Variants in LRRTM4 observed in about 807,000 individuals in gnomAD.
LRRTM4 encodes leucine rich repeat transmembrane neuronal 4.
A neutral mutation model predicts 47.6 loss-of-function variants in LRRTM4; 25 were observed. The ratio of observed to expected loss-of-function variants is 0.53; its 90% confidence interval spans 0.38 to 0.73. The LOEUF is 0.73. LRRTM4 is among the 30% of genes least tolerant of loss of function. The pLI, the probability that LRRTM4 is intolerant of heterozygous loss-of-function variation, is 0.00. For synonymous variants in LRRTM4, 311 were observed against 269.5 expected (o/e 1.15, Z -1.51); for missense variants, 638 against 713.4 (o/e 0.89, Z 1.20).
At chr2:77,453,842 T>C (rs560126277) in intron 3 of LRRTM4, among the ~76,000 whole-genome samples, 12 of 152,292 alleles carry the variant, frequency 7.9e-5, no homozygotes, top group Non-Finnish European at 1.6e-4. Context: ...TTCATAATAG[T>C]ATTTAACTTT....
At chr2:77,393,980 A>C (rs536589524) in intron 3 of LRRTM4, among the ~76,000 whole-genome samples, 1 of 152,182 alleles carries the variant, frequency 6.6e-6, no homozygotes, top group South Asian at 2.1e-4. Flanking sequence ...CTGATTTATC[A>C]GAAATTTATA....
intron 3 of LRRTM4, among the ~76,000 whole-genome samples, chr2:76,919,428 G>A (rs879916705): frequency 2.6e-5 from 4 of 152,150 alleles, no homozygotes; most frequent in Non-Finnish European, 4.4e-5. Context: ...CTTCCAGGAG[G>A]TAGCCAAGGA....
At chr2:76,947,779 A>G (rs1675369398) in intron 3 of LRRTM4, among the ~76,000 whole-genome samples, 1 of 151,886 alleles carries the variant, frequency 6.6e-6, no homozygotes, top group Non-Finnish European at 1.5e-5. Context: ...CACTAACCAT[A>G]AAATCATTTA....
chr2:77,482,982 G>T (rs1379518319), intron 3 of LRRTM4, among the ~76,000 whole-genome samples: 2 of 151,432 alleles, frequency 1.3e-5, no homozygotes, highest in East Asian at 2.0e-4. Context: ...TTAGCCGGGC[G>T]TGGTGGCGGG....
chr2:76,817,270 A>G (rs1369245819), intron 3 of LRRTM4, among the ~76,000 whole-genome samples: 2 of 151,648 alleles, frequency 1.3e-5, no homozygotes, highest in Non-Finnish European at 2.9e-5. Context: ...ATATGGCAGG[A>G]AGTGATATGT....
chr2:76,769,243 G>A (rs1673583569), intron 3 of LRRTM4, among the ~76,000 whole-genome samples: 1 of 152,016 alleles, frequency 6.6e-6, no homozygotes, highest in Admixed American at 6.6e-5. Context: ...TATTTACTTA[G>A]ACTTAATCTA....
intron 3 of LRRTM4, among the ~76,000 whole-genome samples, chr2:77,402,239 A>G (rs290020): frequency 0.47 from 70,789 of 151,668 alleles, 16,729 homozygotes; most frequent in East Asian, 0.6. Flanking sequence ...TCAAACTCCT[A>G]GGCTCAAAAG....
chr2:77,008,489 A>G (rs75379132), intron 3 of LRRTM4, among the ~76,000 whole-genome samples: 2,777 of 152,302 alleles, frequency 0.018, 107 homozygotes, highest in African/African-American at 0.063. Context: ...CACTGATATG[A>G]TATTGATCAA....
chr2:77,176,498 A>G (rs1428314268), intron 3 of LRRTM4, among the ~76,000 whole-genome samples: 1 of 152,186 alleles, frequency 6.6e-6, no homozygotes, highest in Non-Finnish European at 1.5e-5. Context: ...AGGAAACAAA[A>G]TCTGCTAGAT....
rs80030653 is a variant in LRRTM4, at chr2:76,890,348, T to C, written c.1552-141432A>G. 3.0e-3 allele frequency among the ~76,000 whole-genome samples: 461 copies of C among 152,114 alleles called. 1 individual carries two copies. The highest frequency in any genetic ancestry group is 5.1e-3 in the Non-Finnish European group (347 of 67,892). On this transcript the variant is annotated intron_variant, in intron 3 of 3. Transcript: ENST00000409884. ...GGGATGTGCCAAAGCTGAGAACAAATGACATTATGTCCTTACCATCTTAAT... is the reference window on the plus strand; with the variant it reads ...GGGATGTGCCAAAGCTGAGAACAAACGACATTATGTCCTTACCATCTTAAT...
Position 77,257,005 on chromosome 2 carries a change from T to C in LRRTM4, c.1551+261313A>G, listed in dbSNP as rs183416926. On this transcript the variant is annotated intron_variant, in intron 3 of 3. Transcript: ENST00000409884. ...ATCAATATTTTAAAATCAAGAAATG[T>C]AACCCACCATATTAATAGGCTAAAG... Among the ~76,000 whole-genome samples, 7 of 152,222 alleles carry C rather than the reference T, an allele frequency of 4.6e-5. No homozygotes were observed. The East Asian group carries it at 1.4e-3, about 29-fold the overall frequency.
chr2:77,454,053 G>A (rs922621033), intron 3 of LRRTM4, among the ~76,000 whole-genome samples: 2 of 152,058 alleles, frequency 1.3e-5, no homozygotes, highest in East Asian at 1.9e-4. Context: ...CTCTCATAAC[G>A]CCAGACACTT....
intron 3 of LRRTM4, among the ~76,000 whole-genome samples, chr2:77,360,510 A>ACGATACGATACGATG (rs1672158827): frequency 6.6e-6 from 1 of 150,690 alleles, no homozygotes; most frequent in Admixed American, 6.6e-5. Context: ...ACGATACGAT[A>ACGATACGATACGATG]CGATACGATA....
chr2:77,002,395 G>A (rs944420913), intron 3 of LRRTM4, among the ~76,000 whole-genome samples: 6 of 152,058 alleles, frequency 3.9e-5, no homozygotes, highest in African/African-American at 1.4e-4. Flanking sequence ...ATTTTTTCCT[G>A]TATGCAGATC....
intron 3 of LRRTM4, among the ~76,000 whole-genome samples, chr2:76,775,372 C>G (rs1673921227): frequency 6.6e-6 from 1 of 152,082 alleles, no homozygotes; most frequent in African/African-American, 2.4e-5. Context: ...GAGATTGAAT[C>G]AGAAATGCAT....
chr2:77,080,057 A>AT (rs1396979768), intron 3 of LRRTM4, among the ~76,000 whole-genome samples: 1 of 152,022 alleles, frequency 6.6e-6, no homozygotes, highest in African/African-American at 2.4e-5. Flanking sequence ...TCTCATTTGG[A>AT]TTTTATCTCA....
At chr2:76,829,670 C>G (rs1238500270) in intron 3 of LRRTM4, among the ~76,000 whole-genome samples, 1 of 151,936 alleles carries the variant, frequency 6.6e-6, no homozygotes, top group Non-Finnish European at 1.5e-5. Flanking sequence ...GAGGACAAGG[C>G]TTATATTTAA....
rs145296442 is a variant in LRRTM4 at position 76,819,003 on chromosome 2, A to C, written c.1552-70087T>G. Among the ~76,000 whole-genome samples the C allele has an allele frequency of 1.7e-3, 265 of 151,918 alleles. 1 individual carries two copies. The highest frequency in any genetic ancestry group is 6.1e-3 in the African/African-American group (255 of 41,512). On this transcript the variant is annotated intron_variant, in intron 3 of 3. Coordinates refer to ENST00000409884, the MANE Select transcript of LRRTM4 (RefSeq NM_001134745.3). Reference sequence around the variant, plus strand: ...TGTCCTAAATAATTGTCGACATGGTATGGAACAAAGAAAAGAGCAGAACAA... The same window carrying C: ...TGTCCTAAATAATTGTCGACATGGTCTGGAACAAAGAAAAGAGCAGAACAA...
At chr2:76,956,332 T>C (rs948502878) in intron 3 of LRRTM4, among the ~76,000 whole-genome samples, 40 of 151,612 alleles carry the variant, frequency 2.6e-4, no homozygotes, top group African/African-American at 9.4e-4. Flanking sequence ...ATTAAACACA[T>C]TTGGATAACT....
Sources: gnomAD v4.1 joint callset for allele counts (sites outside exome capture counted in the v4.1 genomes callset) on GRCh38, gnomAD v4.1.1 for gene constraint, MANE v1.5 for transcripts, NCBI Gene and HGNC (gene_info 2026-07-23, HGNC 2026-07-21) for gene names.